The following EYS variants were observed in gnomAD, a reference collection of about 807,000 sequenced individuals.
The protein encoded by EYS is protein eyes shut homolog.
EYS carries 250 observed loss-of-function variants against 282.1 expected under a neutral mutation model. That is an observed-to-expected ratio of 0.89 (90% CI 0.80 to 0.98). The LOEUF is 0.98. EYS is among the 50% of genes least tolerant of loss of function. The pLI, the probability that EYS is intolerant of heterozygous loss-of-function variation, is 0.00. For synonymous variants in EYS, 1,355 were observed against 1,282.9 expected, an observed-to-expected ratio of 1.06 and a Z score of -1.20; for missense variants, 4,016 against 3,709.0, an observed-to-expected ratio of 1.08 and a Z score of -2.15.
chr6:65,272,398 C>A lies in EYS; in HGVS notation c.2023+23465G>T, dbSNP rs187421133. On this transcript the variant is annotated intron_variant, in intron 12 of 42. Transcript: ENST00000503581. ...GAAGGGGCTCATTTCATTCAGCCTG[C>A]AGTCCATGGATGGCTAAGAGTTAAC... Among the ~76,000 whole-genome samples the A allele has an allele frequency of 1.3e-4, 20 of 152,204 alleles. No homozygotes were observed. The East Asian group carries it at 2.9e-3, about 22-fold the overall frequency.
chr6:64,343,088 C>T (rs1246452264), intron 29 of EYS, among the ~76,000 whole-genome samples: 1 of 152,068 alleles, frequency 6.6e-6, no homozygotes, highest in East Asian at 1.9e-4. Context: ...GAGACTTAGA[C>T]TCCCACACAA....
chr6:65,157,800 C>A (rs938526509), intron 12 of EYS, among the ~76,000 whole-genome samples: 6 of 150,170 alleles, frequency 4.0e-5, no homozygotes, highest in African/African-American at 1.5e-4. Flanking sequence ...TTTTTTCCCC[C>A]CATATTATAA....
At chr6:64,095,510 G>A (rs1772561528) in intron 31 of EYS, among the ~76,000 whole-genome samples, 1 of 152,010 alleles carries the variant, frequency 6.6e-6, no homozygotes, top group African/African-American at 2.4e-5. Flanking sequence ...ATTATGTAAT[G>A]GCCTTCTTTG....
intron 1 of EYS, among the ~76,000 whole-genome samples, chr6:65,675,838 A>G (rs1299156065): frequency 6.6e-6 from 1 of 151,936 alleles, no homozygotes; most frequent in Non-Finnish European, 1.5e-5. Context: ...GTAAGAATAC[A>G]TTGTAGGTTG....
intron 35 of EYS, among the ~76,000 whole-genome samples, chr6:63,911,254 G>A (rs2149737930): frequency 6.6e-6 from 1 of 152,276 alleles, no homozygotes; most frequent in South Asian, 2.1e-4. Context: ...CTTCCTGCTG[G>A]TTGGTTCTTA....
At chr6:65,617,556 TTTA>T (rs1315919364) in intron 2 of EYS, among the ~76,000 whole-genome samples, 9 of 151,850 alleles carry the variant, frequency 5.9e-5, no homozygotes, top group South Asian at 2.1e-4. Flanking sequence ...ATTTTTTAAA[TTTA>T]TTATTATTAT....
At chr6:65,679,566 A>G (rs1393554453) in intron 1 of EYS, among the ~76,000 whole-genome samples, 2 of 151,926 alleles carry the variant, frequency 1.3e-5, no homozygotes, top group African/African-American at 2.4e-5. Context: ...TTATTGTCTA[A>G]TAAGTATAGA....
intron 7 of EYS, among the ~76,000 whole-genome samples, chr6:65,386,483 C>T (rs1765809567): frequency 6.6e-6 from 1 of 151,752 alleles, no homozygotes; most frequent in Non-Finnish European, 1.5e-5. Context: ...CCAGTGATGG[C>T]TTGAAATCTA....
intron 42 of EYS, among the ~76,000 whole-genome samples, chr6:63,725,610 C>G (rs887380895): frequency 6.6e-6 from 1 of 152,024 alleles, no homozygotes; most frequent in African/African-American, 2.4e-5. Context: ...TTCTTCTGAG[C>G]TGTATTTTAT....
chr6:64,098,825 G>A (rs375777585), intron 31 of EYS, among the ~76,000 whole-genome samples: 14 of 151,908 alleles, frequency 9.2e-5, no homozygotes, highest in Admixed American at 7.2e-4. Flanking sequence ...GGCTGGTCTC[G>A]AACTCCTGAC....
chr6:65,620,197 G>A (rs1360799592), intron 2 of EYS, among the ~76,000 whole-genome samples: 1 of 152,120 alleles, frequency 6.6e-6, no homozygotes, highest in Non-Finnish European at 1.5e-5. Flanking sequence ...ACTCTTTTTG[G>A]TTGGTAAGCT....
intron 33 of EYS, among the ~76,000 whole-genome samples, chr6:64,046,285 C>CCT (rs1562172668): frequency 6.6e-6 from 1 of 151,826 alleles, no homozygotes; most frequent in East Asian, 1.9e-4. Context: ...CGATTTCAGA[C>CCT]CTAAAATACA....
intron 22 of EYS, among the ~76,000 whole-genome samples, chr6:64,642,653 T>C (rs1202431633): frequency 2.0e-5 from 3 of 152,214 alleles, no homozygotes; most frequent in Admixed American, 1.3e-4. Context: ...AATTTTTGAG[T>C]AGCCAGGGTT....
chr6:63,896,024 T>G (rs1293318921), intron 35 of EYS, among the ~76,000 whole-genome samples: 2 of 151,984 alleles, frequency 1.3e-5, no homozygotes, highest in Non-Finnish European at 2.9e-5. Flanking sequence ...TATTTTAATA[T>G]TAGTGTTTAC....
At chr6:63,945,614 C>T (rs961021194) in intron 35 of EYS, among the ~76,000 whole-genome samples, 5 of 152,148 alleles carry the variant, frequency 3.3e-5, no homozygotes, top group African/African-American at 1.2e-4. Flanking sequence ...CATTACAAAG[C>T]AACTATTACT....
At chr6:64,219,081 G>A (rs544702613) in intron 31 of EYS, among the ~76,000 whole-genome samples, 142 of 152,218 alleles carry the variant, frequency 9.3e-4, no homozygotes, top group Middle Eastern at 3.4e-3. Context: ...TGATGCAGCC[G>A]CAATGACAGA....
intron 5 of EYS, among the ~76,000 whole-genome samples, chr6:65,476,136 C>T (rs565973048): frequency 4.0e-5 from 6 of 151,822 alleles, no homozygotes; most frequent in East Asian, 1.9e-4. Flanking sequence ...CCGTTTTTTG[C>T]GACCCTGCTC....
intron 22 of EYS, among the ~76,000 whole-genome samples, chr6:64,757,940 G>T (rs942814798): frequency 5.3e-5 from 8 of 151,444 alleles, no homozygotes; most frequent in African/African-American, 1.7e-4. Flanking sequence ...GCCCGCCTAA[G>T]TTTTTTTGTA....
chr6:65,341,284 G>A (rs900610471), intron 10 of EYS, among the ~76,000 whole-genome samples: 1 of 151,092 alleles, frequency 6.6e-6, no homozygotes, highest in African/African-American at 2.4e-5. Flanking sequence ...GAATTTTCTG[G>A]AGACATGATA....
Sources: allele counts gnomAD v4.1 joint callset (sites outside exome capture counted in the v4.1 genomes callset), GRCh38; gene constraint gnomAD v4.1.1; transcripts MANE v1.5; gene names NCBI Gene and HGNC (gene_info 2026-07-23, HGNC 2026-07-21).